Variants in CARD10 observed in about 807,000 individuals in gnomAD.
CARD10 encodes caspase recruitment domain family member 10.
A neutral mutation model predicts 114.6 loss-of-function variants in CARD10; 49 were observed. That is an observed-to-expected ratio of 0.43 (90% CI 0.34 to 0.54). The LOEUF (loss-of-function observed/expected upper bound fraction) is 0.54, where lower values mean the gene tolerates loss of function less well. Ranked by LOEUF, CARD10 falls within the 20% of genes least tolerant of loss-of-function variation. CARD10 has a pLI of 0.03. For missense variants in CARD10, 1,206 were observed against 1,397.2 expected (o/e 0.86, Z 2.18); for synonymous variants, 602 against 593.2 (o/e 1.01, Z -0.21).
At chr22:37,503,630 C>T (rs886204291) in intron 9 of CARD10, among the ~76,000 whole-genome samples, 2 of 152,138 alleles carry the variant, frequency 1.3e-5, no homozygotes, top group Admixed American at 1.3e-4. Flanking sequence ...TTACGCAGAT[C>T]AAGGCCATAC....
chr22:37,509,320 T>A (rs1923528944), intron 4 of CARD10, among the ~76,000 whole-genome samples: 1 of 152,132 alleles, frequency 6.6e-6, no homozygotes, highest in African/African-American at 2.4e-5. Context: ...GCTGGGGCCC[T>A]TTCCCCAGAA....
rs975393948 is a variant in CARD10 at position 37,501,472 on chromosome 22, C to G, written c.1787+1130G>C. 1.3e-5 allele frequency among the ~76,000 whole-genome samples: 2 copies of G among 152,188 alleles called. No individual in the cohort carries two copies. The highest frequency in any genetic ancestry group is 2.9e-5 in the Non-Finnish European group (2 of 68,026). The stretch of plus-strand genomic sequence containing the variant: ...GTCTCGCTGAGCCCACTGCCGGGGG[C>G]CAGGTGGGGGCAGGGCCTGGACACT... On this transcript the variant is annotated intron_variant, in intron 11 of 19. Transcript: ENST00000251973. The surrounding 1 kb of genome is among the most constrained non-coding windows in gnomAD (Gnocchi z 5.4).
chr22:37,496,666 T>G lies in CARD10; in HGVS notation c.1948-106A>C. The G allele has an allele frequency of 1.2e-6, 1 of 803,652 alleles. No homozygotes were observed. Among genetic ancestry groups the G allele is most frequent in the South Asian group, 1.5e-5 (1 of 68,024 alleles). 49.8% of individuals were successfully genotyped at this position (803,652 alleles called of 1,614,324 possible). A position where few individuals can be genotyped will look rare whatever the true frequency, so the allele number is the denominator to read the frequency against. ...GTGGGGGTGTTTCATGCCTCACAGT[T>G]CAGATAGCGCCCCCTCAGAAACTGC... On this transcript the variant is annotated intron_variant, in intron 12 of 19. Transcript: ENST00000251973. The surrounding 1 kb of genome is among the most constrained non-coding windows in gnomAD (Gnocchi z 4.1).
chr22:37,506,345 T>C lies in CARD10; in HGVS notation c.1230A>G (p.Ser410=). 1.2e-6 allele frequency: 2 copies of C among 1,601,736 alleles called. No homozygotes were observed. Among genetic ancestry groups the C allele is most frequent in the African/African-American group, 1.3e-5 (1 of 74,696 alleles). The change falls in exon 7 of 20, where the codon TCA becomes TCG. Residue 410 remains serine, a synonymous_variant. Transcript: ENST00000251973. The part of the protein sequence containing the change: ...QSRDRIQLQY[S]QSLIEKDQYR... ...ACTGGTCCTTCTCGATGAGGCTCTG[T>C]GAGTACTGCAACTGGATCCGGTCAC...
intron 9 of CARD10, among the ~76,000 whole-genome samples, chr22:37,503,527 AC>A (rs1923296090): frequency 6.6e-6 from 1 of 151,532 alleles, no homozygotes. Flanking sequence ...CCCTCACCTC[AC>A]CCTCACTTGC....
rs746691823 is a variant in CARD10, at chr22:37,502,629, C to T, written c.1760G>A (p.Arg587Gln). ...PLGKPEGLLA[R>Q]GCGLDFLNRS... ...GTTGAGGAAGTCCAGGCCACAGCCC[C>T]GAGCCAGGAGGCCTTCCGGCTTTCC... Residue 587 changes from arginine to glutamine, a missense_variant, in exon 11 of 20, where the codon CGG (arginine) becomes CAG (glutamine). Physicochemically the swap from Arg to Gln is conservative, Grantham distance 43. Transcript: ENST00000251973. 6 of 1,613,800 alleles carry T rather than the reference C, an allele frequency of 3.7e-6. No individual in the cohort carries two copies. The highest frequency in any genetic ancestry group is 3.3e-5 in the Admixed American group (2 of 60,000).
chr22:37,517,052 C>T (rs933878319), intron 2 of CARD10, among the ~76,000 whole-genome samples: 1 of 152,222 alleles, frequency 6.6e-6, no homozygotes, highest in Non-Finnish European at 1.5e-5. Context: ...TACACAGACT[C>T]TTTGAGAAAT....
In CARD10 at chr22:37,510,353, G is replaced by A; in HGVS notation, c.768C>T (p.Gly256=). The A allele has an allele frequency of 6.2e-7, 1 of 1,612,736 alleles. No homozygotes were observed. The highest frequency in any genetic ancestry group is 8.5e-7 in the Non-Finnish European group (1 of 1,179,744). ...EECALLRRAR[G]PPPGAEEKEK... is the part of the protein sequence containing the mutation. ...CCTTCTCCTCTGCCCCAGGGGGCGG[G>A]CCCCTGGCCCTTCGAAGCAGTGCAC... The change falls in exon 4 of 20, where the codon GGC becomes GGT. Residue 256 remains glycine (G), a synonymous_variant. Coordinates refer to ENST00000251973, the MANE Select transcript of CARD10 (RefSeq NM_014550.4).
rs780289938 is a variant in CARD10 at position 37,496,424 on chromosome 22, G to C, written c.2059+25C>G. On this transcript the variant is annotated intron_variant, in intron 13 of 19. Transcript: ENST00000251973. This position sits in a 1 kb window ranked among gnomAD's most constrained non-coding sequence, Gnocchi z 4.1. ...TTAGAGGACCCCTCTGGGGCCAACA[G>C]CTCCGACTCCCAAGCCAGACTTACC... is the stretch of plus-strand genomic sequence containing the variant. 1 of 1,559,866 alleles carries C rather than the reference G, an allele frequency of 6.4e-7. No individual in the cohort carries two copies. The highest frequency in any genetic ancestry group is 8.8e-7 in the Non-Finnish European group (1 of 1,132,582).
In CARD10 at chr22:37,494,138, C is replaced by A. The variant is rs564195589; in HGVS notation, c.2424G>T (p.Val808=). 2 of 1,560,280 alleles carry A rather than the reference C, an allele frequency of 1.3e-6. No homozygotes were observed. Among genetic ancestry groups the A allele is most frequent in the East Asian group, 2.4e-5 (1 of 41,684 alleles). The change falls in exon 16 of 20, where the codon GTG becomes GTT. Residue 808 remains valine, a synonymous_variant. Coordinates refer to ENST00000251973, the MANE Select transcript of CARD10 (RefSeq NM_014550.4). ...CCGGGGAGTCCCCTGCAGGCGCCCC[C>A]ACGGGCTTGGGCCTCACCAGCCGCA... ...DQLRLVRPKP[V]GAPAGDSPDQ...
At chr22:37,513,050 C>T (rs867955089) in intron 3 of CARD10, among the ~76,000 whole-genome samples, 3 of 152,132 alleles carry the variant, frequency 2.0e-5, no homozygotes, top group South Asian at 2.1e-4. Context: ...AGCAGAAAAG[C>T]TCCAAACATA....
Position 37,496,388 on chromosome 22 carries a change from T to C in CARD10, c.2059+61A>G. The C allele has an allele frequency of 3.2e-6, 4 of 1,248,124 alleles. No homozygotes were observed. Among genetic ancestry groups the C allele is most frequent in the Non-Finnish European group, 4.6e-6 (4 of 867,624 alleles). The allele number at this position is 1,248,124 out of a possible 1,614,324, so 77.3% of individuals were successfully genotyped here. The stretch of plus-strand genomic sequence containing the variant: ...AGGTCCTTGGTCCCTCCCCACCCCA[T>C]GCACCACGGGTTAGAGGACCCCTCT... On this transcript the variant is annotated intron_variant, in intron 13 of 19. Coordinates refer to ENST00000251973, the MANE Select transcript of CARD10 (RefSeq NM_014550.4). This position sits in a 1 kb window ranked among gnomAD's most constrained non-coding sequence, Gnocchi z 4.1.
At chr22:37,508,429 C>T (rs772449829) in intron 5 of CARD10, 98 bp downstream of exon 5, 115 of 1,282,670 alleles carry the variant, frequency 9.0e-5, no homozygotes, top group African/African-American at 3.3e-4. Flanking sequence ...GTTCTCAGCG[C>T]GGCGCCTGCG....
Position 37,496,594 on chromosome 22 carries a change from T to G in CARD10, c.1948-34A>C. 1 of 1,497,312 alleles carries G rather than the reference T, an allele frequency of 6.7e-7. No homozygotes were observed. Among genetic ancestry groups the G allele is most frequent in the Non-Finnish European group, 9.3e-7 (1 of 1,079,482 alleles). The allele number at this position is 1,497,312 out of a possible 1,614,324, so 92.8% of individuals were successfully genotyped here. ...AAACCCAGGCAGGGAGGGAAAGAAG[T>G]GAGCCTCTGAGAGTAGAGCAGCCCA... On this transcript the variant is annotated intron_variant, in intron 12 of 19. Coordinates refer to ENST00000251973, the MANE Select transcript of CARD10 (RefSeq NM_014550.4). This position sits in a 1 kb window ranked among gnomAD's most constrained non-coding sequence, Gnocchi z 4.1.
rs533969301 is a variant in CARD10, at chr22:37,507,933, G to C, written c.1087C>G (p.Leu363Val). 5 of 1,614,142 alleles carry C rather than the reference G, an allele frequency of 3.1e-6. 1 individual carries two copies. The Admixed American group carries it at 8.3e-5, about 27-fold the overall frequency. The stretch of plus-strand genomic sequence containing the variant: ...TGCAGCGTGCGGTGCTTGAGCCGCA[G>C]GTCTTCCATCTCCTGCAGGTACTGA... Reference protein sequence around the residue: ...RDQYLQEMEDLRLKHRTLQKD... With the variant: ...RDQYLQEMEDVRLKHRTLQKD... Residue 363 changes from leucine (L) to valine (V), a missense_variant, in exon 6 of 20, where the codon CTG (leucine) becomes GTG (valine). By Grantham distance (32) the Leu-to-Val change is conservative (BLOSUM62 1). Around this residue, in one of 2 missense-constraint regions of CARD10, gnomAD observed 1,068 missense variants for 1,179.1 expected, o/e 0.91. Coordinates refer to ENST00000251973, the MANE Select transcript of CARD10 (RefSeq NM_014550.4).
In CARD10 at chr22:37,518,018, G is replaced by A. The variant is rs752095306; in HGVS notation, c.326C>T (p.Thr109Met). 6.9e-5 allele frequency: 112 copies of A among 1,613,958 alleles called. No individual in the cohort carries two copies. Among genetic ancestry groups the A allele is most frequent in the Non-Finnish European group, 8.6e-5 (102 of 1,179,998 alleles). ...GGCGGGTTCCTGGCCCGTGAGCAGC[G>A]TGAAGTGTTCGGGGTAGTAGAACTC... ...ALEFYYPEHF[T>M]LLTGQEPAQR... The change falls in exon 2 of 20, where the codon ACG becomes ATG. Residue 109 changes from threonine (T) to methionine (M), a missense_variant. By Grantham distance (81) the Thr-to-Met change is moderately conservative. This residue lies in a region of CARD10 where 138 missense variants were observed against 218.0 expected (regional missense o/e 0.63). Coordinates refer to ENST00000251973, the MANE Select transcript of CARD10 (RefSeq NM_014550.4).
At chr22:37,503,920 T>C (rs1923310791) in intron 9 of CARD10, 1 of 633,020 alleles carries the variant, frequency 1.6e-6, no homozygotes, top group South Asian at 1.6e-5. Flanking sequence ...GTATAGGATC[T>C]TCAAGGCTTG....
chr22:37,506,396 G>A lies in CARD10; in HGVS notation c.1192-13C>T, dbSNP rs1923410184. The A allele has an allele frequency of 1.3e-6, 2 of 1,533,444 alleles. No homozygotes were observed. Among genetic ancestry groups the A allele is most frequent in the East Asian group, 4.9e-5 (2 of 40,622 alleles). 95.0% of individuals were successfully genotyped at this position (1,533,444 alleles called of 1,614,324 possible). Reference sequence around the variant, plus strand: ...GGCTCTGGATGGCCTAGGGTTGGGGGAGGGGAGGCAGCAGCTGAAGGAGCC... The same window carrying A: ...GGCTCTGGATGGCCTAGGGTTGGGGAAGGGGAGGCAGCAGCTGAAGGAGCC... On this transcript the variant is annotated splice_polypyrimidine_tract_variant and intron_variant, in intron 6 of 19. Coordinates refer to ENST00000251973, the MANE Select transcript of CARD10 (RefSeq NM_014550.4).
intron 11 of CARD10, among the ~76,000 whole-genome samples, chr22:37,499,653 C>T (rs1460889528): frequency 1.3e-5 from 2 of 152,144 alleles, no homozygotes; most frequent in African/African-American, 4.8e-5. Context: ...GGCGCCCCCT[C>T]CTCCAGGACG....
Sources: allele counts gnomAD v4.1 joint callset (sites outside exome capture counted in the v4.1 genomes callset), GRCh38; gene constraint gnomAD v4.1.1; regional missense constraint gnomAD v4.1.1; non-coding constraint Gnocchi (gnomAD v3.1); transcripts MANE v1.5; gene names NCBI Gene and HGNC (gene_info 2026-07-23, HGNC 2026-07-21).